The following GPR15LG variants were observed in gnomAD, a reference collection of about 807,000 sequenced individuals.
GPR15LG encodes the protein protein GPR15LG.
chr10:84,176,363 T>C, the GPR15LG span: 1 of 765,140 alleles, frequency 1.3e-6, no homozygotes, highest in East Asian at 2.6e-5. Context: ...TCTCGTAGCC[T>C]GGCTCATCCT....
chr10:84,179,073 G>C, the GPR15LG span, among the ~76,000 whole-genome samples: 1 of 152,226 alleles, frequency 6.6e-6, no homozygotes, highest in Non-Finnish European at 1.5e-5. Context: ...ATGAAGACAT[G>C]CGCGTGCAAG....
chr10:84,176,103 G>A, the GPR15LG span, among the ~76,000 whole-genome samples: 2 of 151,684 alleles, frequency 1.3e-5, no homozygotes, highest in South Asian at 2.1e-4. Context: ...GGTCAGGCTG[G>A]TCTCGAACAC....
At chr10:84,176,579 C>T in the GPR15LG span, 4 of 1,605,194 alleles carry the variant, frequency 2.5e-6, no homozygotes, top group Middle Eastern at 1.7e-4. Context: ...GGTAAGTACC[C>T]CCACCTCGTC....
the GPR15LG span, among the ~76,000 whole-genome samples, chr10:84,178,990 T>C: frequency 6.6e-6 from 1 of 152,200 alleles, no homozygotes; most frequent in African/African-American, 2.4e-5. Flanking sequence ...AGTCAGAAAC[T>C]AGGATCTTTC....
chr10:84,184,775 A>G, the GPR15LG span: 3 of 1,613,460 alleles, frequency 1.9e-6, no homozygotes, highest in Non-Finnish European at 2.5e-6. Context: ...AGCACTCCCA[A>G]AGCAAGACTC....
chr10:84,174,492 T>C, the GPR15LG span, among the ~76,000 whole-genome samples: 3 of 137,258 alleles, frequency 2.2e-5, no homozygotes, highest in Non-Finnish European at 4.7e-5. Context: ...TTTTTCTTTT[T>C]TCTTTTTTTT....
chr10:84,184,986 A>C, the GPR15LG span: 1 of 1,383,394 alleles, frequency 7.2e-7, no homozygotes. Context: ...ACCTCACCCC[A>C]CAGGGCCTCA....
the GPR15LG span, among the ~76,000 whole-genome samples, chr10:84,179,235 C>T: frequency 0.036 from 5,412 of 152,310 alleles, 142 homozygotes; most frequent in Admixed American, 0.062. Flanking sequence ...ATCTGCCTCA[C>T]TGGACCATGA....
the GPR15LG span, among the ~76,000 whole-genome samples, chr10:84,176,236 A>C: frequency 6.6e-6 from 1 of 152,204 alleles, no homozygotes; most frequent in South Asian, 2.1e-4. Context: ...TTATTATGTC[A>C]AAGAAACTAC....
chr10:84,180,368 T>C, the GPR15LG span, among the ~76,000 whole-genome samples: 11 of 152,226 alleles, frequency 7.2e-5, no homozygotes, highest in African/African-American at 2.7e-4. Context: ...ATTGTCATCA[T>C]GGCCTGTTCT....
the GPR15LG span, among the ~76,000 whole-genome samples, chr10:84,175,475 C>T: frequency 2.0e-5 from 3 of 152,192 alleles, no homozygotes; most frequent in Admixed American, 2.0e-4. Flanking sequence ...GATGAATTTA[C>T]ATGCTTAGAC....
chr10:84,173,957 G>A, the GPR15LG span: 1 of 1,485,344 alleles, frequency 6.7e-7, no homozygotes, highest in African/African-American at 1.4e-5. Flanking sequence ...CCCTGAGCAG[G>A]ATTTCAGCAT....
the GPR15LG span, among the ~76,000 whole-genome samples, chr10:84,175,981 C>G: frequency 1.3e-5 from 2 of 152,172 alleles, no homozygotes; most frequent in East Asian, 3.9e-4. Flanking sequence ...CTCCGCCTCC[C>G]GGGTTCAAGT....
At chr10:84,179,856 T>A in the GPR15LG span, among the ~76,000 whole-genome samples, 2 of 145,710 alleles carry the variant, frequency 1.4e-5, no homozygotes, top group Admixed American at 1.4e-4. Flanking sequence ...TTATTACATT[T>A]ACCAATTTGC....
the GPR15LG span, among the ~76,000 whole-genome samples, chr10:84,183,025 GA>G: frequency 0.11 from 15,590 of 142,638 alleles, 914 homozygotes; most frequent in East Asian, 0.16. Flanking sequence ...CTTACCAATA[GA>G]AAAAAAAAAA....
At chr10:84,184,712 G>A in the GPR15LG span, 1 of 1,613,944 alleles carries the variant, frequency 6.2e-7, no homozygotes, top group South Asian at 1.1e-5. Context: ...AACCATGCAA[G>A]CTTGAGCCAG....
At chr10:84,183,357 T>C in the GPR15LG span, among the ~76,000 whole-genome samples, 1 of 152,276 alleles carries the variant, frequency 6.6e-6, no homozygotes, top group East Asian at 1.9e-4. Context: ...ATGATCTTAA[T>C]TACCACACCA....
At chr10:84,174,470 C>G in the GPR15LG span, among the ~76,000 whole-genome samples, 2 of 150,298 alleles carry the variant, frequency 1.3e-5, no homozygotes, top group Non-Finnish European at 3.0e-5. Flanking sequence ...GAATATTTAG[C>G]TCTCTTGCCC....
the GPR15LG span, chr10:84,176,690 C>A: frequency 1.1e-4 from 75 of 659,224 alleles, no homozygotes; most frequent in East Asian, 2.0e-3. Flanking sequence ...GGGAGGACAT[C>A]TTTGTTTTGT....
Sources: allele counts gnomAD v4.1 joint callset (sites outside exome capture counted in the v4.1 genomes callset), GRCh38; gene constraint gnomAD v4.1.1; transcripts MANE v1.5; gene names NCBI Gene and HGNC (gene_info 2026-07-23, HGNC 2026-07-21).